The following SNAP25 variants were observed in gnomAD, a reference collection of about 807,000 sequenced individuals.
SNAP25 encodes synaptosome associated protein 25, also known as synaptosomal-associated protein 25.
SNAP25 carries 3 observed loss-of-function variants against 28.7 expected under a neutral mutation model. The ratio of observed to expected loss-of-function variants is 0.10; its 90% confidence interval spans 0.05 to 0.27. SNAP25 has a LOEUF of 0.27. SNAP25 is among the 10% of genes least tolerant of loss of function. The probability of loss-of-function intolerance (pLI) is 1.00; values close to 1 mark genes in which losing one functional copy is unlikely to be tolerated. For synonymous variants in SNAP25, 61 were observed against 88.1 expected (o/e 0.69, Z 1.72); for missense variants, 117 against 278.7 (o/e 0.42, Z 4.13).
In SNAP25 at chr20:10,297,004, G is replaced by T. The variant is rs767613001; in HGVS notation, c.361G>T (p.Val121Leu). ...GGTGGCCAGCCAGCCTGCTCGTGTA[G>T]TGGACGAACGGGAGCAGATGGCCAT... Reference protein sequence around the residue: ...GVVASQPARVVDEREQMAISG... With the variant: ...GVVASQPARVLDEREQMAISG... Residue 121 changes from valine (V) to leucine (L), a missense_variant, in exon 6 of 8, where the codon GTG becomes TTG. By Grantham distance (32) the Val-to-Leu change is conservative (BLOSUM62 1). Coordinates refer to ENST00000254976, the MANE Select transcript of SNAP25 (RefSeq NM_130811.4). 1 of 1,612,346 alleles carries T rather than the reference G, an allele frequency of 6.2e-7. No homozygotes were observed. Among genetic ancestry groups the T allele is most frequent in the Non-Finnish European group, 8.5e-7 (1 of 1,179,216 alleles).
chr20:10,296,571 C>G (rs3025896), intron 5 of SNAP25: 4 of 230,628 alleles, frequency 1.7e-5, no homozygotes, highest in Non-Finnish European at 2.6e-5. Flanking sequence ...ATGTTTTTCT[C>G]TGTTTTATGT....
chr20:10,259,789 G>T (rs2063380448), intron 1 of SNAP25, among the ~76,000 whole-genome samples: 2 of 152,102 alleles, frequency 1.3e-5, no homozygotes, highest in African/African-American at 2.4e-5. Flanking sequence ...CTCCTGCCTT[G>T]ACCTCCCAAA....
chr20:10,269,026 C>G (rs2063550388), intron 1 of SNAP25, among the ~76,000 whole-genome samples: 1 of 152,200 alleles, frequency 6.6e-6, no homozygotes. Flanking sequence ...TAGATTAAAT[C>G]TGATTTGCAA....
chr20:10,285,928 A>G (rs931274885), intron 4 of SNAP25, among the ~76,000 whole-genome samples: 1 of 152,224 alleles, frequency 6.6e-6, no homozygotes, highest in African/African-American at 2.4e-5. Context: ...TTGGGAAAAC[A>G]GAAACTCCTA....
intron 1 of SNAP25, among the ~76,000 whole-genome samples, chr20:10,221,102 C>T (rs1221546309): frequency 6.6e-6 from 1 of 152,160 alleles, no homozygotes. Context: ...AAAATATGGG[C>T]AGGAATCTTT....
chr20:10,305,829 A>G (rs1327532991), intron 7 of SNAP25, among the ~76,000 whole-genome samples: 1 of 152,186 alleles, frequency 6.6e-6, no homozygotes, highest in Non-Finnish European at 1.5e-5. Context: ...AGAAAGATAA[A>G]TCATATATAA....
intron 1 of SNAP25, among the ~76,000 whole-genome samples, chr20:10,261,370 A>G (rs982691299): frequency 6.6e-6 from 1 of 152,170 alleles, no homozygotes; most frequent in Non-Finnish European, 1.5e-5. Context: ...ACCACACCCT[A>G]GACCTTGCTC....
chr20:10,265,887 A>T (rs943529200), intron 1 of SNAP25, among the ~76,000 whole-genome samples: 1 of 152,128 alleles, frequency 6.6e-6, no homozygotes, highest in African/African-American at 2.4e-5. Context: ...ATCCAATCCA[A>T]TAAGTCTGGG....
chr20:10,236,370 T>C (rs1327054988), intron 1 of SNAP25, among the ~76,000 whole-genome samples: 1 of 152,184 alleles, frequency 6.6e-6, no homozygotes, highest in Non-Finnish European at 1.5e-5. Flanking sequence ...TGAGGATAAG[T>C]AAACTTTTCT....
At chr20:10,300,366 C>T (rs544519790) in intron 7 of SNAP25, among the ~76,000 whole-genome samples, 2 of 152,134 alleles carry the variant, frequency 1.3e-5, no homozygotes, top group Non-Finnish European at 2.9e-5. Flanking sequence ...TGATTACAAA[C>T]TCTTATGTCC....
intron 6 of SNAP25, 106 bp from the exon 7 acceptor site, chr20:10,299,162 T>C: frequency 7.9e-7 from 1 of 1,267,732 alleles, no homozygotes; most frequent in Non-Finnish European, 1.1e-6. Flanking sequence ...TAAAGATAGA[T>C]AAAGTTGATG....
At chr20:10,288,404 A>G (rs1054293375) in intron 4 of SNAP25, among the ~76,000 whole-genome samples, 4 of 152,158 alleles carry the variant, frequency 2.6e-5, no homozygotes, top group African/African-American at 9.7e-5. Flanking sequence ...AAAAGAGAAA[A>G]CATGAATAAC....
intron 1 of SNAP25, among the ~76,000 whole-genome samples, chr20:10,226,223 T>A (rs566314500): frequency 1.3e-5 from 2 of 152,292 alleles, no homozygotes; most frequent in South Asian, 2.1e-4. Context: ...CAGAAATAAA[T>A]GCCAGAAAGA....
chr20:10,280,474 G>T (rs571962659), intron 3 of SNAP25, among the ~76,000 whole-genome samples: 1 of 152,168 alleles, frequency 6.6e-6, no homozygotes, highest in Non-Finnish European at 1.5e-5. Flanking sequence ...ATGTAAATTG[G>T]TATCTTGCTG....
At chr20:10,236,203 G>T (rs1293070524) in intron 1 of SNAP25, among the ~76,000 whole-genome samples, 1 of 152,020 alleles carries the variant, frequency 6.6e-6, no homozygotes, top group African/African-American at 2.4e-5. Flanking sequence ...TGTCCCCATA[G>T]ACCTTGGAGC....
chr20:10,231,737 G>C (rs1158967471), intron 1 of SNAP25: 1 of 152,132 alleles, frequency 6.6e-6, no homozygotes, highest in Non-Finnish European at 1.5e-5. Flanking sequence ...GAAACTTTTT[G>C]AGCACCAATA....
chr20:10,221,015 T>C (rs2122586797), intron 1 of SNAP25, among the ~76,000 whole-genome samples: 1 of 152,372 alleles, frequency 6.6e-6, no homozygotes, highest in Admixed American at 6.5e-5. Flanking sequence ...TATGAGTATG[T>C]AAACGTATAA....
At chr20:10,271,841 C>A (rs1271089609) in intron 1 of SNAP25, among the ~76,000 whole-genome samples, 1 of 152,206 alleles carries the variant, frequency 6.6e-6, no homozygotes, top group African/African-American at 2.4e-5. Flanking sequence ...AGCACATGGA[C>A]CCCTGCCTTC....
intron 2 of SNAP25, 103 bp downstream of exon 2, chr20:10,275,666 T>C (rs2063679921): frequency 1.1e-6 from 1 of 913,310 alleles, no homozygotes; most frequent in African/African-American, 1.7e-5. Flanking sequence ...TGTCTCAATT[T>C]CTTTTAGAAA....
Sources: gnomAD v4.1 joint callset for allele counts (sites outside exome capture counted in the v4.1 genomes callset) on GRCh38, gnomAD v4.1.1 for gene constraint, MANE v1.5 for transcripts, NCBI Gene and HGNC (gene_info 2026-07-23, HGNC 2026-07-21) for gene names.